The following STAU2 variants were observed in gnomAD, a reference collection of about 807,000 sequenced individuals.
The protein encoded by STAU2 is double-stranded RNA-binding protein Staufen homolog 2.
Under a neutral mutation model 65.9 loss-of-function variants are expected in STAU2, and 20 were observed. That is an observed-to-expected ratio of 0.30 (90% CI 0.21 to 0.44). STAU2 has a LOEUF of 0.44. Among genes scored for constraint, STAU2 ranks in the 20% least tolerant of loss-of-function variants. The pLI, the probability that STAU2 is intolerant of heterozygous loss-of-function variation, is 1.00. For missense variants in STAU2, 558 were observed against 683.9 expected (o/e 0.82, Z 2.05); for synonymous variants, 232 against 233.9 (o/e 0.99, Z 0.07).
intron 13 of STAU2, among the ~76,000 whole-genome samples, chr8:73,496,776 T>G (rs1250826199): frequency 6.6e-6 from 1 of 151,740 alleles, no homozygotes; most frequent in Non-Finnish European, 1.5e-5. Context: ...TGTTTTTTGG[T>G]GCTGCCTTTC....
At chr8:73,726,914 T>A (rs934846730) in intron 3 of STAU2, among the ~76,000 whole-genome samples, 2 of 152,208 alleles carry the variant, frequency 1.3e-5, no homozygotes, top group Admixed American at 1.3e-4. Flanking sequence ...AGAATTGACA[T>A]AATATCTAAT....
At chr8:73,575,271 G>A (rs1239732548) in intron 12 of STAU2, among the ~76,000 whole-genome samples, 1 of 152,086 alleles carries the variant, frequency 6.6e-6, no homozygotes, top group East Asian at 1.9e-4. Flanking sequence ...TAAGAGAAAT[G>A]CAAAATAAAA....
chr8:73,535,333 C>T (rs2128935029), intron 13 of STAU2, among the ~76,000 whole-genome samples: 1 of 152,220 alleles, frequency 6.6e-6, no homozygotes, highest in Non-Finnish European at 1.5e-5. Flanking sequence ...CCACGCCTGG[C>T]TAATTTTTTG....
At chr8:73,722,606 T>C (rs1347886537) in intron 3 of STAU2, among the ~76,000 whole-genome samples, 2 of 152,268 alleles carry the variant, frequency 1.3e-5, no homozygotes, top group Non-Finnish European at 2.9e-5. Flanking sequence ...TCGTTTCTGA[T>C]AAATCTATTA....
intron 1 of STAU2, among the ~76,000 whole-genome samples, chr8:73,743,411 A>G (rs949599675): frequency 6.6e-6 from 1 of 151,954 alleles, no homozygotes; most frequent in Non-Finnish European, 1.5e-5. Context: ...ATTCTGGCCC[A>G]AAGTCGTCTT....
intron 12 of STAU2, 151 bp downstream of exon 12, chr8:73,582,619 C>A: frequency 1.8e-6 from 1 of 564,594 alleles, no homozygotes. Flanking sequence ...TCTGTCAGTT[C>A]CAGGAAAGCA....
chr8:73,747,198 G>C (rs998137399), upstream of STAU2: 7 of 601,758 alleles, frequency 1.2e-5, no homozygotes, highest in Non-Finnish European at 1.6e-5. Flanking sequence ...ACGCGGGCGA[G>C]CGACTGCGCA....
chr8:73,547,769 G>C (rs934853672), intron 13 of STAU2, among the ~76,000 whole-genome samples: 1 of 152,008 alleles, frequency 6.6e-6, no homozygotes, highest in African/African-American at 2.4e-5. Flanking sequence ...TTGTTTAATA[G>C]CCTACATGAA....
intron 13 of STAU2, chr8:73,550,696 C>A: frequency 1.0e-6 from 1 of 986,954 alleles, no homozygotes; most frequent in Non-Finnish European, 1.2e-6. Context: ...ACAACAAAAA[C>A]AAATTCTAAA....
intron 13 of STAU2, among the ~76,000 whole-genome samples, chr8:73,459,856 T>A (rs1484009750): frequency 1.3e-5 from 2 of 152,192 alleles, no homozygotes; most frequent in East Asian, 3.8e-4. Context: ...ATCTGCTCAA[T>A]GCAGCCACTG....
chr8:73,504,811 T>C (rs1450074461), intron 13 of STAU2, among the ~76,000 whole-genome samples: 1 of 152,152 alleles, frequency 6.6e-6, no homozygotes, highest in South Asian at 2.1e-4. Context: ...TCTATGGCTA[T>C]TGGTTTTCTT....
chr8:73,424,201 C>CTTTTTT lies in STAU2; in HGVS notation c.1531-1505_1531-1500dup, dbSNP rs59063960. Among the ~76,000 whole-genome samples the CTTTTTT allele has an allele frequency of 1.2e-3, 144 of 115,282 alleles. 6 individuals carry two copies. Among genetic ancestry groups the CTTTTTT allele is most frequent in the African/African-American group, 4.2e-3 (122 of 28,970 alleles). 75.6% of individuals were successfully genotyped at this position (115,282 alleles called of 152,430 possible). A position where few individuals can be genotyped will look rare whatever the true frequency, so the allele number is the denominator to read the frequency against. ...ATGTATATTTGAAGCTCCTCTATGT[C>CTTTTTT]TTTTTTTTTTTTTTTTTTTGACTGA... On this transcript the variant is annotated intron_variant, in intron 13 of 14. Coordinates refer to ENST00000524300, the MANE Select transcript of STAU2 (RefSeq NM_001164380.2).
chr8:73,477,663 G>T (rs1820388151), intron 13 of STAU2, among the ~76,000 whole-genome samples: 1 of 152,168 alleles, frequency 6.6e-6, no homozygotes, highest in South Asian at 2.1e-4. Flanking sequence ...ACTGAGGGCA[G>T]GGCCAGTAGA....
intron 3 of STAU2, among the ~76,000 whole-genome samples, chr8:73,719,455 T>C (rs181278088): frequency 6.6e-6 from 1 of 152,332 alleles, no homozygotes; most frequent in Admixed American, 6.5e-5. Context: ...ATAAGGTTTT[T>C]CATAGAAGCA....
At chr8:73,460,152 G>A (rs1174611535) in intron 13 of STAU2, among the ~76,000 whole-genome samples, 1 of 152,196 alleles carries the variant, frequency 6.6e-6, no homozygotes, top group Non-Finnish European at 1.5e-5. Context: ...CTTAGCCTGA[G>A]GTACCTGACA....
intron 13 of STAU2, among the ~76,000 whole-genome samples, chr8:73,532,676 GAA>G (rs1805897729): frequency 6.6e-6 from 1 of 152,134 alleles, no homozygotes; most frequent in Admixed American, 6.5e-5. Context: ...TTTAAGCTCT[GAA>G]AAGAGACATT....
chr8:73,626,609 G>A (rs141387473), intron 6 of STAU2, among the ~76,000 whole-genome samples: 60 of 152,268 alleles, frequency 3.9e-4, no homozygotes, highest in African/African-American at 1.3e-3. Flanking sequence ...AGAAAATATA[G>A]GATTGCAGGC....
At chr8:73,610,496 G>A (rs1196193829) in intron 9 of STAU2, among the ~76,000 whole-genome samples, 3 of 144,546 alleles carry the variant, frequency 2.1e-5, no homozygotes, top group Non-Finnish European at 4.5e-5. Flanking sequence ...AGATCATGGT[G>A]CCACTGCACT....
intron 13 of STAU2, among the ~76,000 whole-genome samples, chr8:73,535,152 A>G (rs1038798563): frequency 1.3e-5 from 2 of 152,160 alleles, no homozygotes; most frequent in African/African-American, 2.4e-5. Context: ...TGTACATGAC[A>G]AAAATCCTAA....
Sources: allele counts gnomAD v4.1 joint callset (sites outside exome capture counted in the v4.1 genomes callset), GRCh38; gene constraint gnomAD v4.1.1; transcripts MANE v1.5; gene names NCBI Gene and HGNC (gene_info 2026-07-23, HGNC 2026-07-21).